AGMO: variants seen among roughly 807,000 people sequenced by gnomAD.
AGMO encodes the protein glyceryl-ether monooxygenase.
AGMO carries 75 observed loss-of-function variants against 60.2 expected under a neutral mutation model. The ratio of observed to expected loss-of-function variants is 1.25; its 90% CI spans 1.03 to 1.51. The LOEUF (loss-of-function observed/expected upper bound fraction) is 1.51. AGMO is among the 40% of genes most tolerant of loss of function. The probability of loss-of-function intolerance (pLI) is 0.00; values close to 1 mark genes in which losing one functional copy is unlikely to be tolerated. For synonymous variants in AGMO, 261 were observed against 177.1 expected, an observed-to-expected ratio of 1.47 and a Z score of -3.76; for missense variants, 763 against 525.5, an observed-to-expected ratio of 1.45 and a Z score of -4.42.
intron 3 of AGMO, among the ~76,000 whole-genome samples, chr7:15,531,452 C>T (rs867565852): frequency 3.1e-3 from 52 of 16,818 alleles, no homozygotes; most frequent in East Asian, 6.1e-3. Context: ...TATATATATT[C>T]TCTATATATA....
Position 15,349,231 on chromosome 7 carries a change from C to A in AGMO, c.1263+16283G>T, listed in dbSNP as rs571670219. Among the ~76,000 whole-genome samples, 15 of 152,230 alleles carry A rather than the reference C, an allele frequency of 9.9e-5. No homozygotes were observed. The South Asian group carries it at 2.9e-3, about 29-fold the overall frequency. Reference sequence around the variant, plus strand: ...CTGTTGTCATTTACATTAAAGATAACTGGCTTTGGTATTTCAATATCCAAC... The same window carrying A: ...CTGTTGTCATTTACATTAAAGATAAATGGCTTTGGTATTTCAATATCCAAC... On this transcript the variant is annotated intron_variant, in intron 12 of 12. Coordinates refer to ENST00000342526, the MANE Select transcript of AGMO (RefSeq NM_001004320.2).
chr7:15,151,689 T>A, the AGMO span, among the ~76,000 whole-genome samples: 2 of 152,156 alleles, frequency 1.3e-5, no homozygotes, highest in African/African-American at 2.4e-5. Context: ...AGGATTTGGG[T>A]CTTTTTAAAA....
chr7:15,247,112 AATTT>A (rs1036459400), intron 12 of AGMO, among the ~76,000 whole-genome samples: 1 of 152,090 alleles, frequency 6.6e-6, no homozygotes, highest in African/African-American at 2.4e-5. Context: ...GCCTGAAAAA[AATTT>A]ATTTATTAGA....
At chr7:15,384,273 T>C (rs1783822503) in intron 10 of AGMO, among the ~76,000 whole-genome samples, 2 of 152,188 alleles carry the variant, frequency 1.3e-5, no homozygotes, top group South Asian at 2.1e-4. Context: ...TAGTTTAAGC[T>C]GCTATGTAAG....
the AGMO span, among the ~76,000 whole-genome samples, chr7:15,150,774 G>A: frequency 6.6e-6 from 1 of 151,974 alleles, no homozygotes; most frequent in Non-Finnish European, 1.5e-5. Context: ...TTTTCTTTTT[G>A]TGTCTCTGCC....
chr7:15,277,915 T>C (rs7798429), intron 12 of AGMO, among the ~76,000 whole-genome samples: 17,939 of 152,088 alleles, frequency 0.12, 3,564 homozygotes, highest in African/African-American at 0.41. Context: ...CTAGCCCTAA[T>C]AGGGGTGTCT....
At chr7:15,337,852 C>T (rs1388706810) in intron 12 of AGMO, among the ~76,000 whole-genome samples, 3 of 152,188 alleles carry the variant, frequency 2.0e-5, no homozygotes, top group South Asian at 4.1e-4. Context: ...CTGGGCTCCA[C>T]CTTTGCAACT....
In AGMO at chr7:15,355,571, T is replaced by C. The variant is rs1175980909; in HGVS notation, c.1263+9943A>G. Among the ~76,000 whole-genome samples, 3 of 151,582 alleles carry C rather than the reference T, an allele frequency of 2.0e-5. No homozygotes were observed. In the East Asian group the frequency reaches 5.8e-4, roughly 29 times the overall value. On this transcript the variant is annotated intron_variant, in intron 12 of 12. Coordinates refer to ENST00000342526, the MANE Select transcript of AGMO (RefSeq NM_001004320.2). ...ATTCAAATTATGTATTAGCTTAATA[T>C]TTTTGCATAATTATAGCCTGTATTC...
At chr7:15,514,978 G>A (rs975585776) in intron 3 of AGMO, among the ~76,000 whole-genome samples, 4 of 152,196 alleles carry the variant, frequency 2.6e-5, no homozygotes, top group Admixed American at 1.3e-4. Flanking sequence ...GCTCAGCAAT[G>A]CTGCAACAGT....
chr7:15,201,431 A>G (rs2115464110), intron 12 of AGMO, 72 bp from the exon 13 acceptor site: 2 of 1,099,562 alleles, frequency 1.8e-6, no homozygotes, highest in Admixed American at 2.0e-5. Flanking sequence ...TGAATTAAAA[A>G]TATTTCCCTA....
chr7:15,269,508 G>A (rs960291357), intron 12 of AGMO, among the ~76,000 whole-genome samples: 1 of 152,016 alleles, frequency 6.6e-6, no homozygotes, highest in Non-Finnish European at 1.5e-5. Context: ...AGGTTAGATA[G>A]GGGTGCATGA....
chr7:15,146,426 G>C, the AGMO span, among the ~76,000 whole-genome samples: 8 of 151,700 alleles, frequency 5.3e-5, no homozygotes, highest in African/African-American at 1.5e-4. Context: ...ATGAAAACTA[G>C]GCTTAAATAT....
intron 4 of AGMO, among the ~76,000 whole-genome samples, chr7:15,425,062 C>T (rs1781023788): frequency 1.3e-5 from 2 of 152,156 alleles, no homozygotes; most frequent in South Asian, 4.1e-4. Context: ...AAGAATCATA[C>T]TTGATATGTT....
chr7:15,352,052 T>G (rs1183098442), intron 12 of AGMO, among the ~76,000 whole-genome samples: 1 of 152,214 alleles, frequency 6.6e-6, no homozygotes, highest in Non-Finnish European at 1.5e-5. Context: ...CCTTGACTCT[T>G]GTCAAGCAGT....
chr7:15,366,685 G>A (rs1382400292), intron 10 of AGMO, among the ~76,000 whole-genome samples: 1 of 151,834 alleles, frequency 6.6e-6, no homozygotes, highest in South Asian at 2.1e-4. Flanking sequence ...ATATATAAAG[G>A]AGATTACACA....
chr7:15,513,170 G>A (rs1222489581), intron 3 of AGMO, among the ~76,000 whole-genome samples: 1 of 152,092 alleles, frequency 6.6e-6, no homozygotes. Flanking sequence ...CTGTTTGTGT[G>A]CCTGATGTTC....
chr7:15,248,224 A>ATATATATATATAT (rs1486326352), intron 12 of AGMO, among the ~76,000 whole-genome samples: 1 of 98,748 alleles, frequency 1.0e-5, no homozygotes, highest in Non-Finnish European at 2.1e-5. Context: ...ATATATATAT[A>ATATATATATATAT]TCTTCATCTT....
intron 10 of AGMO, among the ~76,000 whole-genome samples, chr7:15,375,234 T>C (rs1783401206): frequency 6.6e-6 from 1 of 152,098 alleles, no homozygotes; most frequent in Non-Finnish European, 1.5e-5. Flanking sequence ...AAGATCAAAT[T>C]TCCTTGCACT....
intron 10 of AGMO, among the ~76,000 whole-genome samples, chr7:15,374,721 G>C (rs886506674): frequency 7.2e-5 from 11 of 152,082 alleles, no homozygotes; most frequent in African/African-American, 2.4e-4. Context: ...CCCACCTTGA[G>C]AGTTTCTAGG....
Sources: gnomAD v4.1 joint callset for allele counts (sites outside exome capture counted in the v4.1 genomes callset) on GRCh38, gnomAD v4.1.1 for gene constraint, MANE v1.5 for transcripts, NCBI Gene and HGNC (gene_info 2026-07-23, HGNC 2026-07-21) for gene names.